EFCAB5: variants seen among roughly 807,000 people sequenced by gnomAD.
EFCAB5 encodes the protein EF-hand calcium binding domain 5.
A neutral mutation model predicts 167.9 loss-of-function variants in EFCAB5; 131 were observed. That is an observed-to-expected ratio of 0.78 (90% CI 0.68 to 0.90). EFCAB5 has a LOEUF of 0.90. Among genes scored for constraint, EFCAB5 ranks in the 40% least tolerant of loss-of-function variants. The pLI is 0.00. For missense variants in EFCAB5, 1,663 were observed against 1,745.2 expected (o/e 0.95, Z 0.84); for synonymous variants, 574 against 602.8 (o/e 0.95, Z 0.70).
chr17:30,075,503 C>T (rs1231054381), intron 14 of EFCAB5, among the ~76,000 whole-genome samples: 1 of 152,142 alleles, frequency 6.6e-6, no homozygotes, highest in Non-Finnish European at 1.5e-5. Flanking sequence ...CCCTCCTCAC[C>T]CTGTTTAGGT....
intron 3 of EFCAB5, among the ~76,000 whole-genome samples, chr17:29,962,425 T>C (rs2067737820): frequency 6.6e-6 from 1 of 152,144 alleles, no homozygotes; most frequent in Admixed American, 6.5e-5. Flanking sequence ...CTAAGTATTC[T>C]ATTCTTTTAG....
At chr17:30,013,772 T>C (rs2068965006) in intron 7 of EFCAB5, among the ~76,000 whole-genome samples, 1 of 152,240 alleles carries the variant, frequency 6.6e-6, no homozygotes, top group Non-Finnish European at 1.5e-5. Flanking sequence ...TTCGTTGATT[T>C]CTTTGAAGAG....
chr17:30,011,397 G>T (rs930929670), intron 7 of EFCAB5, among the ~76,000 whole-genome samples: 1 of 152,172 alleles, frequency 6.6e-6, no homozygotes, highest in Non-Finnish European at 1.5e-5. Flanking sequence ...ACCTTGGGCA[G>T]TATGGCCATT....
chr17:30,055,373 G>GAAGGAAGA (rs2070229250), intron 10 of EFCAB5, among the ~76,000 whole-genome samples: 1 of 151,368 alleles, frequency 6.6e-6, no homozygotes, highest in Non-Finnish European at 1.5e-5. Flanking sequence ...AGGAAGGAAG[G>GAAGGAAGA]AAGGAAGGAA....
At chr17:30,012,190 T>G (rs1174032354) in intron 7 of EFCAB5, among the ~76,000 whole-genome samples, 1 of 152,116 alleles carries the variant, frequency 6.6e-6, no homozygotes. Context: ...GAAAAACACC[T>G]GCTACTTAGC....
At chr17:29,952,911 G>C (rs538854515) in intron 3 of EFCAB5, among the ~76,000 whole-genome samples, 3 of 152,132 alleles carry the variant, frequency 2.0e-5, no homozygotes, top group African/African-American at 7.2e-5. Context: ...AACTGCTCTA[G>C]AGTTATAAAA....
intron 22 of EFCAB5, among the ~76,000 whole-genome samples, chr17:30,094,202 A>G (rs911609770): frequency 1.3e-5 from 2 of 152,034 alleles, no homozygotes; most frequent in East Asian, 1.9e-4. Flanking sequence ...TCCGCTGCCA[A>G]CTCTCACCCC....
intron 14 of EFCAB5, among the ~76,000 whole-genome samples, chr17:30,065,979 G>A (rs2070558173): frequency 6.6e-6 from 1 of 152,176 alleles, no homozygotes; most frequent in South Asian, 2.1e-4. Context: ...TAAAGGGAGA[G>A]ATAGACTCTA....
At chr17:30,021,240 T>C (rs940443101) in intron 7 of EFCAB5, among the ~76,000 whole-genome samples, 1 of 150,816 alleles carries the variant, frequency 6.6e-6, no homozygotes, top group Non-Finnish European at 1.5e-5. Flanking sequence ...TTATATAGAA[T>C]GCTAATGAGT....
In EFCAB5 at chr17:29,948,982, A is replaced by T. The variant is rs150811883; in HGVS notation, c.190+5333A>T. Among the ~76,000 whole-genome samples, 191 of 152,324 alleles carry T rather than the reference A, an allele frequency of 1.3e-3. 1 individual carries two copies. The highest frequency in any genetic ancestry group is 9.3e-3 in the Admixed American group (142 of 15,298). ...GCCAATGTTAAGAAATCCTGATAAT[A>T]AGGACAAAGCCGCTGAGTTTCAAAC... is the stretch of plus-strand genomic sequence containing the variant. On this transcript the variant is annotated intron_variant, in intron 3 of 22. Transcript: ENST00000394835.
intron 7 of EFCAB5, among the ~76,000 whole-genome samples, chr17:30,029,685 T>C (rs1407193528): frequency 1.3e-5 from 2 of 152,158 alleles, no homozygotes; most frequent in African/African-American, 4.8e-5. Flanking sequence ...TTCAATATTC[T>C]GTACTCCTTG....
chr17:29,978,842 G>A (rs962077370), intron 4 of EFCAB5, among the ~76,000 whole-genome samples: 3 of 152,208 alleles, frequency 2.0e-5, no homozygotes, highest in African/African-American at 7.2e-5. Context: ...AGAGTAGGTT[G>A]TGGCCTTCTA....
chr17:29,994,167 T>TAC (rs1555554319), intron 5 of EFCAB5, among the ~76,000 whole-genome samples: 33 of 132,214 alleles, frequency 2.5e-4, no homozygotes, highest in South Asian at 4.8e-4. Flanking sequence ...TATATATATA[T>TAC]ATATATATAT....
intron 3 of EFCAB5, among the ~76,000 whole-genome samples, chr17:29,966,425 G>A (rs1184988174): frequency 6.6e-6 from 1 of 152,114 alleles, no homozygotes; most frequent in African/African-American, 2.4e-5. Context: ...GAAGCCAGGA[G>A]TTCAAGACCA....
At chr17:30,011,804 C>A (rs1024279241) in intron 7 of EFCAB5, among the ~76,000 whole-genome samples, 6 of 152,064 alleles carry the variant, frequency 3.9e-5, no homozygotes, top group Non-Finnish European at 8.8e-5. Flanking sequence ...GGGTGGCAAG[C>A]CACCCAGGTG....
At chr17:29,939,124 C>T (rs568107156), upstream of EFCAB5, among the ~76,000 whole-genome samples, 1 of 152,254 alleles carries the variant, frequency 6.6e-6, no homozygotes, top group African/African-American at 2.4e-5. Flanking sequence ...TGTTGACAGG[C>T]GTGGGAACAA....
Position 29,941,809 on chromosome 17 carries a change from G to A in EFCAB5, c.13G>A (p.Ala5Thr). Residue 5 changes from alanine (A) to threonine (T), a missense_variant, in exon 1 of 23, where the codon GCA (alanine) becomes ACA (threonine). Physicochemically the swap from Ala to Thr is moderately conservative, Grantham distance 58. Transcript: ENST00000394835. MNES[A>T]SQEELRPAQE... ...TTTTGGAGTCCAAATGAATGAGTCA[G>A]CATCTCAAGAGGAACTCAGACCTGC... is the stretch of plus-strand genomic sequence containing the variant. The A allele has an allele frequency of 2.5e-6, 4 of 1,605,630 alleles. No homozygotes were observed. The East Asian group carries it at 8.9e-5, about 36-fold the overall frequency.
At chr17:30,062,757 T>G (rs965496181) in intron 14 of EFCAB5, among the ~76,000 whole-genome samples, 8 of 152,186 alleles carry the variant, frequency 5.3e-5, no homozygotes, top group Non-Finnish European at 5.9e-5. Context: ...CTCTTCCACA[T>G]GAGGCCAAGT....
intron 14 of EFCAB5, among the ~76,000 whole-genome samples, chr17:30,067,107 C>T (rs542450113): frequency 3.9e-5 from 6 of 152,208 alleles, no homozygotes; most frequent in African/African-American, 1.4e-4. Context: ...ATCAGTTCTT[C>T]TCAAACTCTT....
Sources: allele counts gnomAD v4.1 joint callset (sites outside exome capture counted in the v4.1 genomes callset), GRCh38; gene constraint gnomAD v4.1.1; transcripts MANE v1.5; gene names NCBI Gene and HGNC (gene_info 2026-07-23, HGNC 2026-07-21).